The following AGAP1 variants were observed in gnomAD, a reference collection of about 807,000 sequenced individuals.
AGAP1 encodes arf-GAP with GTPase, ANK repeat and PH domain-containing protein 1.
A neutral mutation model predicts 105.3 loss-of-function variants in AGAP1; 29 were observed. The ratio of observed to expected loss-of-function variants is 0.28; its 90% CI spans 0.21 to 0.38. AGAP1 has a LOEUF of 0.38. Among genes scored for constraint, AGAP1 ranks in the 10% least tolerant of loss-of-function variants. The pLI is 1.00. For synonymous variants in AGAP1, 509 were observed against 485.9 expected (o/e 1.05, Z -0.63); for missense variants, 998 against 1,165.1 (o/e 0.86, Z 2.09).
rs1477044721 is a variant in AGAP1, at chr2:235,633,819, G to A, written c.164-75360G>A. ...CTTATGGCTAGCTTTGGGGAAAAGG[G>A]GTTTTGGTTTCTATGACCTGTCTTA... On this transcript the variant is annotated intron_variant, in intron 1 of 17. Coordinates refer to ENST00000304032, the MANE Select transcript of AGAP1 (RefSeq NM_001037131.3). This position sits in a 1 kb window ranked among gnomAD's most constrained non-coding sequence, Gnocchi z 4.8. Among the ~76,000 whole-genome samples the A allele has an allele frequency of 6.6e-6, 1 of 152,156 alleles. No individual in the cohort carries two copies. Among genetic ancestry groups the A allele is most frequent in the East Asian group, 1.9e-4 (1 of 5,190 alleles).
At chr2:236,067,610 G>T (rs1183432407) in intron 16 of AGAP1, among the ~76,000 whole-genome samples, 1 of 152,210 alleles carries the variant, frequency 6.6e-6, no homozygotes, top group Non-Finnish European at 1.5e-5. Context: ...TTAGGAAGTA[G>T]TGTGAAATAA....
At chr2:235,785,499 C>G (rs75689478) in intron 6 of AGAP1, among the ~76,000 whole-genome samples, 1 of 152,110 alleles carries the variant, frequency 6.6e-6, no homozygotes, top group Non-Finnish European at 1.5e-5. Context: ...AGAACTCTTG[C>G]GTCTCCTGTT....
At chr2:235,975,545 GCT>G (rs2054824658) in intron 13 of AGAP1, among the ~76,000 whole-genome samples, 1 of 152,144 alleles carries the variant, frequency 6.6e-6, no homozygotes, top group Non-Finnish European at 1.5e-5. Flanking sequence ...TTAGCACAAG[GCT>G]CTCATCTTTT....
Position 235,773,749 on chromosome 2 carries a change from C to T in AGAP1, c.673+23261C>T, listed in dbSNP as rs114082276. 3.5e-3 allele frequency: 1,258 copies of T among 364,590 alleles called. 23 individuals carry two copies. Among genetic ancestry groups the T allele is most frequent in the African/African-American group, 0.025 (1,152 of 46,654 alleles). 22.6% of individuals were successfully genotyped at this position (364,590 alleles called of 1,614,324 possible). On this transcript the variant is annotated intron_variant, in intron 6 of 17. Transcript: ENST00000304032. ...TCATGTCCTCTCCTATGGAAGTTTC[C>T]TGAGATGGGGGCTGGTTTTCTTCGG... is the stretch of plus-strand genomic sequence containing the variant.
intron 6 of AGAP1, among the ~76,000 whole-genome samples, chr2:235,757,133 ATAG>A (rs1953994976): frequency 6.6e-6 from 1 of 152,216 alleles, no homozygotes; most frequent in African/African-American, 2.4e-5. Context: ...CAGAACTTTG[ATAG>A]TAGTTGTTAG....
intron 12 of AGAP1, among the ~76,000 whole-genome samples, chr2:235,948,656 A>G (rs1167108033): frequency 6.6e-6 from 1 of 152,102 alleles, no homozygotes; most frequent in South Asian, 2.1e-4. Context: ...AGCGCTAGAG[A>G]TGGGTCCTCA....
chr2:235,860,389 T>C (rs971405870), intron 9 of AGAP1, among the ~76,000 whole-genome samples: 10 of 152,280 alleles, frequency 6.6e-5, no homozygotes, highest in Admixed American at 2.0e-4. Context: ...AGATGGCTTA[T>C]GGATTGAATA....
chr2:235,898,118 G>A (rs551890764), intron 10 of AGAP1, among the ~76,000 whole-genome samples: 2 of 152,288 alleles, frequency 1.3e-5, no homozygotes, highest in Non-Finnish European at 2.9e-5. Flanking sequence ...GCTAAGCTGC[G>A]AAGTAAATGA....
rs1057321186 is a variant in AGAP1 at position 236,058,635 on chromosome 2, A to C, written c.2114+9354A>C. ...AGCTAACATTGTACTTTATGGTGAA[A>C]TACTGCAGGCTTTTCCCCTAAGATC... On this transcript the variant is annotated intron_variant, in intron 16 of 17. Transcript: ENST00000304032. The surrounding 1 kb of genome is among the most constrained non-coding windows in gnomAD (Gnocchi z 4.6). Among the ~76,000 whole-genome samples the C allele has an allele frequency of 1.3e-5, 2 of 152,224 alleles. No homozygotes were observed. The highest frequency in any genetic ancestry group is 4.8e-5 in the African/African-American group (2 of 41,448).
chr2:235,893,664 C>T lies in AGAP1; in HGVS notation c.1155+10215C>T, dbSNP rs1421911743. ...ATCATTGCCTCGGGTGAGAATGTCCCTTTCTGCCCCATCTAGTGTATGTCA... is the reference window on the plus strand; with the variant it reads ...ATCATTGCCTCGGGTGAGAATGTCCTTTTCTGCCCCATCTAGTGTATGTCA... On this transcript the variant is annotated intron_variant, in intron 10 of 17. Coordinates refer to ENST00000304032, the MANE Select transcript of AGAP1 (RefSeq NM_001037131.3). The surrounding 1 kb of genome is among the most constrained non-coding windows in gnomAD (Gnocchi z 4.7). 6.6e-6 allele frequency among the ~76,000 whole-genome samples: 1 copy of T among 152,142 alleles called. No individual in the cohort carries two copies. Among genetic ancestry groups the T allele is most frequent in the African/African-American group, 2.4e-5 (1 of 41,434 alleles).
intron 1 of AGAP1, among the ~76,000 whole-genome samples, chr2:235,708,644 C>A (rs1301719368): frequency 3.3e-5 from 5 of 152,212 alleles, no homozygotes; most frequent in Non-Finnish European, 5.9e-5. Flanking sequence ...TAACCTGTTA[C>A]TTACAAACAC....
intron 16 of AGAP1, among the ~76,000 whole-genome samples, chr2:236,098,368 C>T (rs965747060): frequency 6.6e-6 from 1 of 151,930 alleles, no homozygotes; most frequent in Non-Finnish European, 1.5e-5. Flanking sequence ...GAGGTCAGTT[C>T]AAGACCAGCC....
In AGAP1 at chr2:235,559,676, G is replaced by A. The variant is rs1026371585; in HGVS notation, c.163+64827G>A. On this transcript the variant is annotated intron_variant, in intron 1 of 17. Transcript: ENST00000304032. This position sits in a 1 kb window ranked among gnomAD's most constrained non-coding sequence, Gnocchi z 5.7. ...TACCCCTGAAATTTAACATTTTGGTGGGTATGATGTGGTATCTCAACTGTG... is the reference window on the plus strand; with the variant it reads ...TACCCCTGAAATTTAACATTTTGGTAGGTATGATGTGGTATCTCAACTGTG... Among the ~76,000 whole-genome samples the A allele has an allele frequency of 2.0e-5, 3 of 151,878 alleles. No homozygotes were observed. The highest frequency in any genetic ancestry group is 7.3e-5 in the African/African-American group (3 of 41,344).
At position 235,959,533 on chromosome 2, in the gene AGAP1, C is replaced by G. The variant is rs2054094194; in HGVS notation, c.1484-8929C>G. The stretch of plus-strand genomic sequence containing the variant: ...CGGTCCTTCTTGCCATGAGAACACC[C>G]AGCCCAGGAGAGGTCAGGGCCTGGC... On this transcript the variant is annotated intron_variant, in intron 12 of 17. Transcript: ENST00000304032. This position sits in a 1 kb window ranked among gnomAD's most constrained non-coding sequence, Gnocchi z 7.3. 6.6e-6 allele frequency among the ~76,000 whole-genome samples: 1 copy of G among 152,188 alleles called. No individual in the cohort carries two copies.
In AGAP1 at chr2:235,733,710, T is replaced by C. The variant is rs963773292; in HGVS notation, c.311-7253T>C. Among the ~76,000 whole-genome samples the C allele has an allele frequency of 6.6e-6, 1 of 152,200 alleles. No individual in the cohort carries two copies. The highest frequency in any genetic ancestry group is 2.4e-5 in the African/African-American group (1 of 41,446). On this transcript the variant is annotated intron_variant, in intron 3 of 17. Coordinates refer to ENST00000304032, the MANE Select transcript of AGAP1 (RefSeq NM_001037131.3). The surrounding 1 kb of genome is among the most constrained non-coding windows in gnomAD (Gnocchi z 5.0). ...TGCCCAAGGAAATCGTGTTAAGTGC[T>C]CACTTCACTGCGGGTCAGAACCCCG...
At chr2:235,757,350 G>A (rs529084350) in intron 6 of AGAP1, among the ~76,000 whole-genome samples, 1 of 148,720 alleles carries the variant, frequency 6.7e-6, no homozygotes, top group East Asian at 1.9e-4. Context: ...AGGTGCTAGC[G>A]CTCCCGGGCC....
rs140306843 is a variant in AGAP1 at position 235,741,441 on chromosome 2, C to T, written c.396+393C>T. On this transcript the variant is annotated intron_variant, in intron 4 of 17. Coordinates refer to ENST00000304032, the MANE Select transcript of AGAP1 (RefSeq NM_001037131.3). The surrounding 1 kb of genome is among the most constrained non-coding windows in gnomAD (Gnocchi z 4.9). Reference sequence around the variant, plus strand: ...TGAGAGTTAGAGAGCTTGCTGGGTGCAATTGGGAGTCCCACCTTCTCTCTG... The same window carrying T: ...TGAGAGTTAGAGAGCTTGCTGGGTGTAATTGGGAGTCCCACCTTCTCTCTG... Among the ~76,000 whole-genome samples the T allele has an allele frequency of 6.1e-3, 929 of 152,254 alleles. 10 individuals carry two copies. The highest frequency in any genetic ancestry group is 0.031 in the South Asian group (148 of 4,820).
At chr2:236,070,271 G>A (rs954731291) in intron 16 of AGAP1, among the ~76,000 whole-genome samples, 3 of 152,190 alleles carry the variant, frequency 2.0e-5, no homozygotes, top group Admixed American at 1.3e-4. Flanking sequence ...TAGGGGCAGC[G>A]TCCGGACACC....
intron 9 of AGAP1, among the ~76,000 whole-genome samples, chr2:235,851,261 G>A (rs1383307027): frequency 2.0e-5 from 3 of 152,196 alleles, no homozygotes. Context: ...TGCCCACCTG[G>A]CGCTCCTGCT....
Sources: allele counts gnomAD v4.1 joint callset (sites outside exome capture counted in the v4.1 genomes callset), GRCh38; gene constraint gnomAD v4.1.1; non-coding constraint Gnocchi (gnomAD v3.1); transcripts MANE v1.5; gene names NCBI Gene and HGNC (gene_info 2026-07-23, HGNC 2026-07-21).